GIPR: variants seen among roughly 807,000 people sequenced by gnomAD.
The protein encoded by GIPR is GIP-R.
A neutral mutation model predicts 62.2 loss-of-function variants in GIPR; 74 were observed. The ratio of observed to expected loss-of-function variants is 1.19; its 90% CI spans 0.99 to 1.44. GIPR has a LOEUF of 1.44. Ranked by LOEUF, GIPR falls within the 40% of genes most tolerant of loss-of-function variation. The pLI is 0.00. For synonymous variants in GIPR, 256 were observed against 262.2 expected (o/e 0.98, Z 0.23); for missense variants, 664 against 611.8 (o/e 1.09, Z -0.90).
intron 4 of GIPR, among the ~76,000 whole-genome samples, chr19:45,671,719 C>G (rs1221145758): frequency 1.3e-5 from 2 of 152,190 alleles, no homozygotes; most frequent in Non-Finnish European, 2.9e-5. Context: ...CCAGCCTCAG[C>G]CTCCCGAGAA....
Position 45,677,973 on chromosome 19 carries a change from G to T in GIPR, c.992G>T (p.Arg331Leu), listed in dbSNP as rs746004829. 5.0e-6 allele frequency: 8 copies of T among 1,613,830 alleles called. No individual in the cohort carries two copies. In the South Asian group the frequency reaches 6.6e-5, roughly 13 times the overall value. The change falls in exon 11 of 14, where the codon CGC becomes CTC. Residue 331 changes from arginine (R) to leucine (L), a missense_variant. Physicochemically the swap from Arg to Leu is moderately radical, Grantham distance 102. Transcript: ENST00000590918. ...TCCAAGCTGAGGACACGGCAAATGC[G>T]CTGCCGGGATTACCGGCTGAGGTGA... ...LLSKLRTRQM[R>L]CRDYRLRLAR...
chr19:45,669,402 G>T, intron 1 of GIPR, 75 bp from the exon 2 acceptor site: 1 of 1,421,594 alleles, frequency 7.0e-7, no homozygotes, highest in South Asian at 1.2e-5. Context: ...CCCTGTGTGT[G>T]AATCCCTGAG....
rs1354017445 is a variant in GIPR, at chr19:45,669,570, G to A, written c.50G>A (p.Gly17Glu). 1 of 1,581,546 alleles carries A rather than the reference G, an allele frequency of 6.3e-7. No homozygotes were observed. The highest frequency in any genetic ancestry group is 8.6e-7 in the Non-Finnish European group (1 of 1,166,872). Residue 17 changes from glycine (G) to glutamate (E), a missense_variant, in exon 2 of 14, where the codon GGG (glycine) becomes GAG (glutamate). By Grantham distance (98) the Gly-to-Glu change is moderately conservative. Coordinates refer to ENST00000590918, the MANE Select transcript of GIPR (RefSeq NM_000164.4). ...LQLLLRLSLCGLLLQRAETGS... is the reference protein window; with the variant it reads ...LQLLLRLSLCELLLQRAETGS... ...CTGCTGCTGCGGCTCTCACTGTGCGGGCTGCTGCTCCAGAGGGCGGAGGTG... is the reference window on the plus strand; with the variant it reads ...CTGCTGCTGCGGCTCTCACTGTGCGAGCTGCTGCTCCAGAGGGCGGAGGTG...
intron 11 of GIPR, 21 bp from the exon 12 acceptor site, chr19:45,678,067 G>A: frequency 6.2e-7 from 1 of 1,611,850 alleles, no homozygotes; most frequent in South Asian, 1.1e-5. Context: ...CGGGATCACT[G>A]CTGCCGCCCT....
At position 45,681,990 on chromosome 19, in the gene GIPR, C is replaced by A; in HGVS notation, c.*55C>A. On this transcript the variant is annotated 3_prime_UTR_variant, in exon 14 of 14. Transcript: ENST00000590918. ...GCATGGATTTATTGAGTGCCAACTG[C>A]GTGCCAGGCCCAGTACGGAGGACGC... The A allele has an allele frequency of 7.1e-7, 1 of 1,404,690 alleles. No individual in the cohort carries two copies. The highest frequency in any genetic ancestry group is 9.9e-7 in the Non-Finnish European group (1 of 1,014,048). 87.0% of individuals were successfully genotyped at this position (1,404,690 alleles called of 1,614,324 possible).
intron 10 of GIPR, 50 bp from the exon 11 acceptor site, chr19:45,677,856 C>T (rs973275071): frequency 1.3e-6 from 2 of 1,597,910 alleles, no homozygotes; most frequent in Admixed American, 1.7e-5. Flanking sequence ...CCTCCTCCTG[C>T]CCCTTCAGAA....
intron 5 of GIPR, 89 bp downstream of exon 5, chr19:45,673,043 T>C (rs1173335611): frequency 2.5e-6 from 2 of 796,858 alleles, no homozygotes; most frequent in African/African-American, 3.4e-5. Context: ...CCTTGGACTG[T>C]TCAGACCTCT....
intron 12 of GIPR, among the ~76,000 whole-genome samples, chr19:45,680,562 G>T (rs886522105): frequency 2.0e-5 from 3 of 151,718 alleles, no homozygotes; most frequent in African/African-American, 7.3e-5. Flanking sequence ...GGGTGCGTTG[G>T]CTCACGTCTG....
At chr19:45,672,760 T>G in intron 4 of GIPR, 91 bp from the exon 5 acceptor site, 1 of 763,592 alleles carries the variant, frequency 1.3e-6, no homozygotes. Flanking sequence ...CCACTTCGGC[T>G]CTCTCCCTCT....
At position 45,678,096 on chromosome 19, in the gene GIPR, G is replaced by T. The variant is rs74751167; in HGVS notation, c.1022G>T (p.Arg341Leu). Residue 341 changes from arginine to leucine, a missense_variant, in exon 12 of 14, where the codon CGC (arginine) becomes CTC (leucine). Physicochemically the swap from Arg to Leu is moderately radical, Grantham distance 102. Transcript: ENST00000590918. ...RCRDYRLRLA[R>L]STLTLVPLLG... ...CCGCCCTCTCTCCCCAGGCTGGCTC[G>T]CTCCACGCTGACGCTGGTGCCCCTG... 7 of 1,612,216 alleles carry T rather than the reference G, an allele frequency of 4.3e-6. No individual in the cohort carries two copies. In the East Asian group the frequency reaches 6.7e-5, roughly 15 times the overall value.
chr19:45,678,019 G>A (rs766097098), intron 11 of GIPR, 25 bp downstream of exon 11: 4 of 1,612,636 alleles, frequency 2.5e-6, no homozygotes, highest in South Asian at 1.1e-5. Context: ...TGGGGACCGA[G>A]GGGAAGGGGC....
chr19:45,674,294 G>A (rs1975716003), intron 6 of GIPR, 117 bp downstream of exon 6: 1 of 780,770 alleles, frequency 1.3e-6, no homozygotes, highest in Non-Finnish European at 2.3e-6. Flanking sequence ...GTTCTATGGG[G>A]AGCAGTGGGG....
chr19:45,677,688 A>G, intron 9 of GIPR, 22 bp from the exon 10 acceptor site: 1 of 1,597,218 alleles, frequency 6.3e-7, no homozygotes, highest in Non-Finnish European at 8.6e-7. Context: ...TCTATCTCTT[A>G]GCTCTACTCC....
intron 1 of GIPR, among the ~76,000 whole-genome samples, chr19:45,668,901 A>G (rs1975394276): frequency 6.6e-6 from 1 of 152,222 alleles, no homozygotes; most frequent in Admixed American, 6.5e-5. Context: ...TTGTAAGGTC[A>G]GGTTCCTATG....
chr19:45,672,615 G>A (rs1975599822), intron 4 of GIPR: 1 of 464,518 alleles, frequency 2.2e-6, no homozygotes, highest in African/African-American at 2.0e-5. Flanking sequence ...TTAACATTTT[G>A]TACCTCAATT....
At chr19:45,678,766 T>C (rs546821902) in intron 12 of GIPR, among the ~76,000 whole-genome samples, 1 of 152,356 alleles carries the variant, frequency 6.6e-6, no homozygotes, top group African/African-American at 2.4e-5. Flanking sequence ...TGCTGCCTGC[T>C]AGTGAAGAGT....
intron 6 of GIPR, 36 bp from the exon 7 acceptor site, chr19:45,674,646 C>A: frequency 6.2e-7 from 1 of 1,611,024 alleles, no homozygotes; most frequent in Non-Finnish European, 8.5e-7. Context: ...GGACAGCTCT[C>A]CAGGGGCCCC....
intron 12 of GIPR, among the ~76,000 whole-genome samples, chr19:45,679,788 A>G (rs1278389217): frequency 6.8e-6 from 1 of 148,026 alleles, no homozygotes; most frequent in Non-Finnish European, 1.5e-5. Context: ...TTTTTTTTTG[A>G]GACAGAGTTT....
At chr19:45,672,459 A>G (rs1975592961) in intron 4 of GIPR, among the ~76,000 whole-genome samples, 2 of 152,126 alleles carry the variant, frequency 1.3e-5, no homozygotes, top group South Asian at 4.1e-4. Flanking sequence ...GGCGCACGCC[A>G]CCACACCCAG....
Sources: gnomAD v4.1 joint callset for allele counts (sites outside exome capture counted in the v4.1 genomes callset) on GRCh38, gnomAD v4.1.1 for gene constraint, MANE v1.5 for transcripts, NCBI Gene and HGNC (gene_info 2026-07-23, HGNC 2026-07-21) for gene names.